IGSF11: variants seen among roughly 807,000 people sequenced by gnomAD.
IGSF11 encodes CXADR like 1.
In IGSF11, 22 loss-of-function variants were observed where a neutral mutation model predicts 41.0. The ratio of observed to expected loss-of-function variants is 0.54; its 90% CI spans 0.38 to 0.77. The LOEUF is 0.77. IGSF11 is among the 30% of genes least tolerant of loss of function. The probability of loss-of-function intolerance (pLI) is 0.00; values close to 1 mark genes in which losing one functional copy is unlikely to be tolerated. For synonymous variants in IGSF11, 219 were observed against 201.3 expected (o/e 1.09, Z -0.74); for missense variants, 444 against 530.8 (o/e 0.84, Z 1.61).
intron 1 of IGSF11, among the ~76,000 whole-genome samples, chr3:118,958,738 T>C (rs901120752): frequency 1.3e-5 from 2 of 152,234 alleles, no homozygotes; most frequent in African/African-American, 2.4e-5. Context: ...ACATTAAGGA[T>C]TAATAAGTGT....
chr3:118,953,027 T>A (rs537702179), intron 1 of IGSF11, among the ~76,000 whole-genome samples: 2 of 152,088 alleles, frequency 1.3e-5, no homozygotes, highest in Non-Finnish European at 2.9e-5. Flanking sequence ...GTATCCAGTA[T>A]GTAGTCTTTT....
exon 1 of IGSF11, chr3:119,105,186 G>C: frequency 6.2e-7 from 1 of 1,604,730 alleles, no homozygotes; most frequent in Non-Finnish European, 8.5e-7. Flanking sequence ...AGTTCCACCA[G>C]AGACATTTAT....
At chr3:118,913,512 T>C (rs545301664) in intron 4 of IGSF11, among the ~76,000 whole-genome samples, 4 of 152,352 alleles carry the variant, frequency 2.6e-5, no homozygotes, top group African/African-American at 9.6e-5. Flanking sequence ...CATTTTCAAA[T>C]TCTTGAGAAA....
intron 1 of IGSF11, among the ~76,000 whole-genome samples, chr3:119,125,075 CAT>C (rs2077384368): frequency 6.6e-6 from 1 of 152,134 alleles, no homozygotes; most frequent in South Asian, 2.1e-4. Context: ...GTCTTTCAAA[CAT>C]GAAGGAAAAA....
At chr3:119,080,952 G>A (rs1345889226) in intron 1 of IGSF11, among the ~76,000 whole-genome samples, 1 of 151,562 alleles carries the variant, frequency 6.6e-6, no homozygotes, top group East Asian at 1.9e-4. Context: ...AAAAGTTTCA[G>A]GGTTTATTTA....
At chr3:119,017,339 G>T (rs1559797318) in intron 1 of IGSF11, among the ~76,000 whole-genome samples, 1 of 152,194 alleles carries the variant, frequency 6.6e-6, no homozygotes, top group Non-Finnish European at 1.5e-5. Flanking sequence ...AACCTGTAGA[G>T]CATATCACTG....
At chr3:118,912,131 A>T (rs1176590761) in intron 4 of IGSF11, among the ~76,000 whole-genome samples, 1 of 152,258 alleles carries the variant, frequency 6.6e-6, no homozygotes, top group Non-Finnish European at 1.5e-5. Flanking sequence ...ATAGAAAATG[A>T]ATTGCCATTA....
intron 1 of IGSF11, among the ~76,000 whole-genome samples, chr3:119,042,763 C>A (rs532549819): frequency 6.6e-6 from 1 of 152,302 alleles, no homozygotes; most frequent in East Asian, 1.9e-4. Flanking sequence ...CCTAAGTACC[C>A]ATCCTGCCAA....
chr3:119,007,416 C>A (rs1937575875), intron 1 of IGSF11, among the ~76,000 whole-genome samples: 1 of 151,400 alleles, frequency 6.6e-6, no homozygotes, highest in Non-Finnish European at 1.5e-5. Flanking sequence ...GCAGAAATCA[C>A]CCGTCTTCTG....
intron 1 of IGSF11, among the ~76,000 whole-genome samples, chr3:119,013,685 A>G (rs1938383615): frequency 6.6e-6 from 1 of 152,256 alleles, no homozygotes. Flanking sequence ...ATTTATAAAA[A>G]CAAAGAACTT....
chr3:119,003,813 C>T (rs1416494494), intron 1 of IGSF11, among the ~76,000 whole-genome samples: 1 of 151,026 alleles, frequency 6.6e-6, no homozygotes, highest in Non-Finnish European at 1.5e-5. Context: ...GGGATGAAGC[C>T]CACTTGATCA....
chr3:119,060,507 A>G (rs1942019690), intron 1 of IGSF11, among the ~76,000 whole-genome samples: 1 of 152,206 alleles, frequency 6.6e-6, no homozygotes, highest in South Asian at 2.1e-4. Flanking sequence ...GCATACTTAT[A>G]TGGACCAGGC....
In IGSF11 at chr3:118,930,098, T is replaced by C; in HGVS notation, c.216+14A>G. 1 of 1,608,860 alleles carries C rather than the reference T, an allele frequency of 6.2e-7. No individual in the cohort carries two copies. The highest frequency in any genetic ancestry group is 8.5e-7 in the Non-Finnish European group (1 of 1,177,022). On this transcript the variant is annotated intron_variant, in intron 2 of 6. Coordinates refer to ENST00000393775, the MANE Select transcript of IGSF11 (RefSeq NM_001015887.3). ...TTAACCTTTTAGAGGTAGCACAGGA[T>C]GCAACAGAAATACCTGTTCAGGTTG...
intron 4 of IGSF11, among the ~76,000 whole-genome samples, chr3:118,914,162 A>C (rs1170642684): frequency 6.6e-6 from 1 of 152,236 alleles, no homozygotes; most frequent in Non-Finnish European, 1.5e-5. Flanking sequence ...AGGAGAAAAA[A>C]TATTATAAAG....
In IGSF11 at chr3:119,073,509, G is replaced by A. The variant is rs1007271788; in HGVS notation, c.49+31635C>T. On this transcript the variant is annotated intron_variant, in intron 1 of 6. Coordinates refer to the IGSF11 transcript ENST00000354673. The stretch of plus-strand genomic sequence containing the variant: ...CCGCATGGGAGCCCACCGTGGGGGG[G>A]CTCGGGCATGGTGGGCTGCAGGTCC... Among the ~76,000 whole-genome samples the A allele has an allele frequency of 3.9e-5, 6 of 152,326 alleles. 1 individual carries two copies. Among genetic ancestry groups the A allele is most frequent in the East Asian group, 3.9e-4 (2 of 5,174 alleles).
At chr3:119,132,485 C>T (rs1443230835) in intron 1 of IGSF11, among the ~76,000 whole-genome samples, 5 of 149,816 alleles carry the variant, frequency 3.3e-5, no homozygotes, top group East Asian at 3.9e-4. Context: ...AAGGCCATTG[C>T]GTAATATTAA....
chr3:118,975,031 A>T (rs534278257), intron 1 of IGSF11, among the ~76,000 whole-genome samples: 19 of 152,292 alleles, frequency 1.2e-4, no homozygotes, highest in African/African-American at 4.3e-4. Context: ...GCCTAGAAAT[A>T]GCTCAACCCT....
chr3:119,079,436 G>A (rs773836152), intron 1 of IGSF11, among the ~76,000 whole-genome samples: 6 of 152,176 alleles, frequency 3.9e-5, no homozygotes, highest in African/African-American at 9.7e-5. Context: ...TCTGTTGATG[G>A]GAATGTAAGT....
chr3:119,062,611 A>C (rs1226170046), intron 1 of IGSF11, among the ~76,000 whole-genome samples: 1 of 152,234 alleles, frequency 6.6e-6, no homozygotes, highest in Non-Finnish European at 1.5e-5. Context: ...AGAATTCCAG[A>C]AGTCCTGTTG....
Sources: allele counts gnomAD v4.1 joint callset (sites outside exome capture counted in the v4.1 genomes callset), GRCh38; gene constraint gnomAD v4.1.1; transcripts MANE v1.5; gene names NCBI Gene and HGNC (gene_info 2026-07-23, HGNC 2026-07-21).